The following ZNF398 variants were observed in gnomAD, a reference collection of about 807,000 sequenced individuals.
The protein encoded by ZNF398 is zinc finger protein 398, also known as zinc finger DNA binding protein ZER6.
ZNF398 carries 18 observed loss-of-function variants against 41.9 expected under a neutral mutation model. That is an observed-to-expected ratio of 0.43 (90% CI 0.30 to 0.64). The LOEUF is 0.64. Ranked by LOEUF, ZNF398 falls within the 30% of genes least tolerant of loss-of-function variation. The pLI is 0.14. For synonymous variants in ZNF398, 260 were observed against 308.8 expected, an observed-to-expected ratio of 0.84 and a Z score of 1.66; for missense variants, 669 against 822.8, an observed-to-expected ratio of 0.81 and a Z score of 2.29.
At chr7:149,135,676 G>A (rs66956378) in intron 2 of ZNF398, among the ~76,000 whole-genome samples, 5 of 151,668 alleles carry the variant, frequency 3.3e-5, no homozygotes, top group Admixed American at 2.0e-4. Flanking sequence ...ATAATAGTCC[G>A]GGTGCGGTAG....
At chr7:149,132,527 G>A (rs191705052) in intron 2 of ZNF398, among the ~76,000 whole-genome samples, 20 of 152,114 alleles carry the variant, frequency 1.3e-4, no homozygotes, top group African/African-American at 4.1e-4. Flanking sequence ...GAGAGAGAGA[G>A]GCACCCGTAT....
At chr7:149,143,765 T>C (rs528158135), upstream of ZNF398, among the ~76,000 whole-genome samples, 2 of 152,204 alleles carry the variant, frequency 1.3e-5, no homozygotes, top group East Asian at 3.9e-4. Context: ...TGAGCAGAGA[T>C]TGCGCCATTC....
At chr7:149,127,890 T>C (rs1826519615) in intron 1 of ZNF398, among the ~76,000 whole-genome samples, 1 of 152,150 alleles carries the variant, frequency 6.6e-6, no homozygotes, top group Non-Finnish European at 1.5e-5. Flanking sequence ...TTCATTTGCT[T>C]TATGGTCACT....
At chr7:149,163,412 G>A (rs1369258201) in intron 2 of ZNF398, among the ~76,000 whole-genome samples, 4 of 145,946 alleles carry the variant, frequency 2.7e-5, no homozygotes, top group Admixed American at 1.4e-4. Flanking sequence ...TGCCCTTGTC[G>A]TGCAGGCTGA....
chr7:149,151,233 A>G (rs1164722017), intron 1 of ZNF398: 4 of 1,233,570 alleles, frequency 3.2e-6, no homozygotes, highest in Non-Finnish European at 4.2e-6. Context: ...GCTTACAGGA[A>G]TGGAGAAAGA....
At position 149,147,800 on chromosome 7, in the gene ZNF398, C is replaced by G. The variant is rs1307231219; in HGVS notation, c.24+34C>G. On this transcript the variant is annotated intron_variant, in intron 1 of 5. Coordinates refer to ENST00000475153, the MANE Select transcript of ZNF398 (RefSeq NM_170686.3). This position sits in a 1 kb window ranked among gnomAD's most constrained non-coding sequence, Gnocchi z 5.6. The stretch of plus-strand genomic sequence containing the variant: ...GGCCGCGCGCGAGTGTTGTGAGCCC[C>G]CGAGACCCAGACCCCGAGGGAGGAA... 18 of 1,373,782 alleles carry G rather than the reference C, an allele frequency of 1.3e-5. No individual in the cohort carries two copies. The highest frequency in any genetic ancestry group is 1.7e-5 in the Non-Finnish European group (18 of 1,062,054). 85.1% of individuals were successfully genotyped at this position (1,373,782 alleles called of 1,614,324 possible).
chr7:149,146,089 G>A (rs554528654), upstream of ZNF398, among the ~76,000 whole-genome samples: 88 of 151,926 alleles, frequency 5.8e-4, no homozygotes, highest in Non-Finnish European at 1.0e-3. Flanking sequence ...GGAATATCAG[G>A]TGCACGACAC....
At position 149,157,149 on chromosome 7, in the gene ZNF398, G is replaced by A. The variant is rs1794997105; in HGVS notation, c.420+2809G>A. On this transcript the variant is annotated intron_variant, in intron 2 of 5. Transcript: ENST00000475153. ...ATACCTTGGGAAAGTGTGGCCTTGG[G>A]GGTGGGAGGAAATTAGGAGTTCCCC... 5.3e-5 allele frequency among the ~76,000 whole-genome samples: 8 copies of A among 152,046 alleles called. No homozygotes were observed. In the South Asian group the frequency reaches 1.4e-3, roughly 28 times the overall value.
chr7:149,131,869 C>T (rs1427656719), intron 2 of ZNF398, among the ~76,000 whole-genome samples: 1 of 152,122 alleles, frequency 6.6e-6, no homozygotes, highest in Non-Finnish European at 1.5e-5. Context: ...AAATTCTTTG[C>T]TTTTGACACT....
In ZNF398 at chr7:149,183,024, T is replaced by TAAA. The variant is rs1204360454; in HGVS notation, c.*3239_*3241dup. Among the ~76,000 whole-genome samples the TAAA allele has an allele frequency of 0.046, 5,776 of 125,290 alleles. 438 individuals are homozygous for TAAA. The highest frequency in any genetic ancestry group is 0.16 in the African/African-American group (5,177 of 32,800). 82.2% of individuals were successfully genotyped at this position (125,290 alleles called of 152,430 possible). A position where few individuals can be genotyped will look rare whatever the true frequency, so the allele number is the denominator to read the frequency against. On this transcript the variant is annotated 3_prime_UTR_variant, in exon 6 of 6. Transcript: ENST00000475153. ...CAGTCCACACAAGCCTCGTTGATAT[T>TAAA]AAAAAAAAAAAAAAAAAAGGACCTC...
intron 2 of ZNF398, among the ~76,000 whole-genome samples, chr7:149,156,030 T>C (rs1439189558): frequency 6.6e-6 from 1 of 151,798 alleles, no homozygotes; most frequent in Non-Finnish European, 1.5e-5. Flanking sequence ...CCGGCCAGTT[T>C]TATATATTGA....
At chr7:149,146,010 A>G (rs946864175), upstream of ZNF398, among the ~76,000 whole-genome samples, 1 of 126,702 alleles carries the variant, frequency 7.9e-6, no homozygotes, top group Non-Finnish European at 1.6e-5. Context: ...CAGTGCTGCC[A>G]TCTCTGCTCA....
chr7:149,132,044 T>C (rs1826605442), intron 2 of ZNF398, among the ~76,000 whole-genome samples: 1 of 152,172 alleles, frequency 6.6e-6, no homozygotes, highest in South Asian at 2.1e-4. Context: ...TTGATGAATC[T>C]TACATTTGCA....
At chr7:149,151,144 C>T (rs780493458) in intron 1 of ZNF398, 10 of 879,622 alleles carry the variant, frequency 1.1e-5, no homozygotes, top group Non-Finnish European at 1.4e-5. Context: ...GTGTTGAGAT[C>T]CCCACTAAGC....
intron 2 of ZNF398, among the ~76,000 whole-genome samples, chr7:149,158,833 CAAA>C (rs11285758): frequency 8.1e-5 from 9 of 110,888 alleles, no homozygotes; most frequent in Admixed American, 8.8e-5. Context: ...AACACCGTTT[CAAA>C]AAAAAAAAAA....
In ZNF398 at chr7:149,147,755, G is replaced by A. The variant is rs1479619676; in HGVS notation, c.13G>A (p.Ala5Thr). 2.2e-6 allele frequency: 3 copies of A among 1,384,368 alleles called. No homozygotes were observed. Among genetic ancestry groups the A allele is most frequent in the Non-Finnish European group, 2.8e-6 (3 of 1,067,784 alleles). The allele number at this position is 1,384,368 out of a possible 1,614,324, so 85.8% of individuals were successfully genotyped here. A position where few individuals can be genotyped will look rare whatever the true frequency, so the allele number is the denominator to read the frequency against. Residue 5 changes from alanine (A) to threonine (T), a missense_variant, in exon 1 of 6, where the codon GCC becomes ACC. Transcript: ENST00000475153. The surrounding 1 kb of genome is among the most constrained non-coding windows in gnomAD (Gnocchi z 5.6). ...ACAGCGCAGGGCCATGGCTGAGGCGGCCCCGGCCCCGGTAAGGGCGGCCGC... is the reference window on the plus strand; with the variant it reads ...ACAGCGCAGGGCCATGGCTGAGGCGACCCCGGCCCCGGTAAGGGCGGCCGC... MAEA[A>T]PAPTSEWDSE...
intron 1 of ZNF398, among the ~76,000 whole-genome samples, chr7:149,150,141 T>C (rs1461493378): frequency 6.6e-6 from 1 of 152,246 alleles, no homozygotes; most frequent in Non-Finnish European, 1.5e-5. Flanking sequence ...TAGATTCGGT[T>C]ACTGATAAGT....
At chr7:149,146,522 C>T (rs997573598), upstream of ZNF398, among the ~76,000 whole-genome samples, 1 of 152,020 alleles carries the variant, frequency 6.6e-6, no homozygotes, top group Admixed American at 6.6e-5. Flanking sequence ...TGCACTCCAG[C>T]CTGGACGACA....
At chr7:149,158,502 A>C (rs1432416310) in intron 2 of ZNF398, among the ~76,000 whole-genome samples, 2 of 152,190 alleles carry the variant, frequency 1.3e-5, no homozygotes, top group East Asian at 1.9e-4. Flanking sequence ...TTGTTTGTGC[A>C]TCTGGAGCTC....
Sources: gnomAD v4.1 joint callset for allele counts (sites outside exome capture counted in the v4.1 genomes callset) on GRCh38, gnomAD v4.1.1 for gene constraint, Gnocchi (gnomAD v3.1) non-coding constraint, MANE v1.5 for transcripts, NCBI Gene and HGNC (gene_info 2026-07-23, HGNC 2026-07-21) for gene names.